TAFA2: variants seen among roughly 807,000 people sequenced by gnomAD.
TAFA2 encodes TAFA chemokine like family member 2, also known as chemokine-like protein TAFA-2.
A neutral mutation model predicts 18.8 loss-of-function variants in TAFA2; 7 were observed. The ratio of observed to expected loss-of-function variants is 0.37; its 90% CI spans 0.21 to 0.70. TAFA2 has a LOEUF of 0.70. TAFA2 is among the 30% of genes least tolerant of loss of function. TAFA2 has a pLI of 0.53. For synonymous variants in TAFA2, 60 were observed against 54.2 expected (o/e 1.11, Z -0.47); for missense variants, 122 against 158.1 (o/e 0.77, Z 1.23).
chr12:61,919,309 C>T (rs970945886), intron 1 of TAFA2, among the ~76,000 whole-genome samples: 3 of 152,152 alleles, frequency 2.0e-5, no homozygotes, highest in African/African-American at 4.8e-5. Flanking sequence ...CAACTTCCCG[C>T]CCCTGGCCAC....
chr12:62,222,399 A>G (rs1311095518), intron 1 of TAFA2, among the ~76,000 whole-genome samples: 1 of 152,186 alleles, frequency 6.6e-6, no homozygotes, highest in Non-Finnish European at 1.5e-5. Flanking sequence ...TTAATGATAG[A>G]CTTTTTTAAA....
chr12:61,875,788 C>T (rs919682603), intron 1 of TAFA2, among the ~76,000 whole-genome samples: 6 of 152,110 alleles, frequency 3.9e-5, no homozygotes, highest in Non-Finnish European at 8.8e-5. Flanking sequence ...ACCGTTTTAA[C>T]ACAATGGCAC....
intron 4 of TAFA2, among the ~76,000 whole-genome samples, chr12:61,746,469 A>G (rs1338143159): frequency 2.0e-5 from 3 of 152,054 alleles, no homozygotes; most frequent in Non-Finnish European, 4.4e-5. Context: ...AAATTCTAAC[A>G]ATAGCCTGAA....
chr12:61,991,217 C>G (rs1397312837), intron 1 of TAFA2, among the ~76,000 whole-genome samples: 1 of 152,144 alleles, frequency 6.6e-6, no homozygotes, highest in Non-Finnish European at 1.5e-5. Flanking sequence ...AGTATTCAGC[C>G]TCTGGAATTG....
chr12:61,900,967 TC>T (rs1425439067), intron 1 of TAFA2, among the ~76,000 whole-genome samples: 1 of 152,204 alleles, frequency 6.6e-6, no homozygotes, highest in African/African-American at 2.4e-5. Flanking sequence ...CAAGATCATG[TC>T]AAGTTTTTTT....
intron 1 of TAFA2, among the ~76,000 whole-genome samples, chr12:61,874,608 T>A (rs1319631865): frequency 6.6e-6 from 1 of 152,174 alleles, no homozygotes; most frequent in Non-Finnish European, 1.5e-5. Flanking sequence ...GTCAAATTGT[T>A]GGATTTGTGC....
At chr12:62,204,090 A>C (rs1435784941) in intron 1 of TAFA2, among the ~76,000 whole-genome samples, 1 of 152,134 alleles carries the variant, frequency 6.6e-6, no homozygotes, top group Non-Finnish European at 1.5e-5. Flanking sequence ...TCCTTTGCTC[A>C]TGAAGCTTAG....
intron 1 of TAFA2, among the ~76,000 whole-genome samples, chr12:62,052,421 G>A (rs11174286): frequency 0.43 from 65,376 of 151,916 alleles, 14,687 homozygotes; most frequent in Middle Eastern, 0.58. Context: ...TGAACTCCTG[G>A]CCTCAGGTGA....
chr12:62,208,688 T>C (rs965862557), intron 1 of TAFA2, among the ~76,000 whole-genome samples: 7 of 152,162 alleles, frequency 4.6e-5, no homozygotes, highest in African/African-American at 1.7e-4. Context: ...GAGGATAGGA[T>C]TATCAGGATT....
chr12:62,169,608 T>C (rs552813156), intron 1 of TAFA2, among the ~76,000 whole-genome samples: 14 of 152,172 alleles, frequency 9.2e-5, no homozygotes, highest in Non-Finnish European at 2.1e-4. Context: ...TCCCAGCATT[T>C]TGGGAGGCCG....
At chr12:62,249,954 T>C (rs886633587) in intron 1 of TAFA2, among the ~76,000 whole-genome samples, 1 of 152,162 alleles carries the variant, frequency 6.6e-6, no homozygotes, top group Admixed American at 6.5e-5. Context: ...TAAAATTAAG[T>C]AATGTCTTAG....
At chr12:61,953,668 G>T (rs1878546722) in intron 1 of TAFA2, among the ~76,000 whole-genome samples, 1 of 152,124 alleles carries the variant, frequency 6.6e-6, no homozygotes, top group East Asian at 1.9e-4. Context: ...ACATGACAAA[G>T]AGTTTTATGA....
intron 1 of TAFA2, among the ~76,000 whole-genome samples, chr12:62,232,193 T>C (rs1444927169): frequency 6.6e-6 from 1 of 152,140 alleles, no homozygotes; most frequent in African/African-American, 2.4e-5. Context: ...GAGGTCACCC[T>C]TGACCTCTCC....
chr12:62,072,511 T>C (rs1303663264), intron 1 of TAFA2, among the ~76,000 whole-genome samples: 1 of 152,026 alleles, frequency 6.6e-6, no homozygotes, highest in Non-Finnish European at 1.5e-5. Context: ...CCGGGCATGA[T>C]GTCTCATGCC....
intron 1 of TAFA2, among the ~76,000 whole-genome samples, chr12:62,030,773 G>A (rs1006930488): frequency 6.6e-6 from 1 of 151,536 alleles, no homozygotes; most frequent in Non-Finnish European, 1.5e-5. Context: ...GGGAAACAGA[G>A]GTTTGTTGTT....
chr12:61,831,236 C>T (rs1266382094), intron 2 of TAFA2, among the ~76,000 whole-genome samples: 1 of 152,052 alleles, frequency 6.6e-6, no homozygotes, highest in East Asian at 1.9e-4. Context: ...TCACTTTCTT[C>T]TTCCTTGGTG....
Position 61,757,055 on chromosome 12 carries a change from T to G in TAFA2, c.107-2031A>C, listed in dbSNP as rs541454921. 1.4e-3 allele frequency among the ~76,000 whole-genome samples: 209 copies of G among 152,174 alleles called. 4 individuals are homozygous for G. The highest frequency in any genetic ancestry group is 4.9e-3 in the African/African-American group (202 of 41,554). ...GAGATTGGATTTTATTCTTCCTGCA[T>G]GGGAAATCTTTGGGTAGAAATAGTA... On this transcript the variant is annotated intron_variant, in intron 2 of 4. Coordinates refer to ENST00000416284, the MANE Select transcript of TAFA2 (RefSeq NM_178539.5).
At chr12:62,101,887 T>C (rs1442881107) in intron 1 of TAFA2, among the ~76,000 whole-genome samples, 1 of 152,022 alleles carries the variant, frequency 6.6e-6, no homozygotes, top group Non-Finnish European at 1.5e-5. Context: ...AGGAGGAAGA[T>C]GTAAAAATAG....
chr12:62,257,153 T>C (rs1048484893), intron 1 of TAFA2, among the ~76,000 whole-genome samples: 7 of 18,356 alleles, frequency 3.8e-4, no homozygotes, highest in East Asian at 3.6e-3. Context: ...TATATATATA[T>C]ACATATATAT....
Sources: gnomAD v4.1 joint callset for allele counts (sites outside exome capture counted in the v4.1 genomes callset) on GRCh38, gnomAD v4.1.1 for gene constraint, MANE v1.5 for transcripts, NCBI Gene and HGNC (gene_info 2026-07-23, HGNC 2026-07-21) for gene names.